The following ACACA variants were observed in gnomAD, a reference collection of about 807,000 sequenced individuals.
The protein encoded by ACACA is acetyl-CoA carboxylase alpha.
In ACACA, 103 loss-of-function variants were observed where a neutral mutation model predicts 296.1. The observed-to-expected ratio is 0.35, with a 90% CI of 0.30 to 0.41. ACACA has a LOEUF of 0.41. Ranked by LOEUF, ACACA falls within the 10% of genes least tolerant of loss-of-function variation. ACACA has a pLI of 1.00. For missense variants in ACACA, 1,554 were observed against 2,989.7 expected (o/e 0.52, Z 11.20); for synonymous variants, 953 against 1,038.6 (o/e 0.92, Z 1.58).
At chr17:37,124,478 G>A (rs931603445) in intron 48 of ACACA, among the ~76,000 whole-genome samples, 14 of 152,204 alleles carry the variant, frequency 9.2e-5, no homozygotes, top group Admixed American at 8.5e-4. Flanking sequence ...GAAAATTGAA[G>A]CAGAATAGAT....
intron 9 of ACACA, among the ~76,000 whole-genome samples, chr17:37,272,505 GA>G (rs1235460592): frequency 6.6e-6 from 1 of 151,518 alleles, no homozygotes; most frequent in Non-Finnish European, 1.5e-5. Flanking sequence ...TTAGTATGAT[GA>G]ACTCAATTGC....
intron 25 of ACACA, among the ~76,000 whole-genome samples, chr17:37,229,290 G>C (rs2079717908): frequency 6.6e-6 from 1 of 152,082 alleles, no homozygotes; most frequent in Admixed American, 6.5e-5. Flanking sequence ...CATAGTTACA[G>C]ATCATGTTTT....
chr17:37,350,651 C>T (rs964119150), intron 1 of ACACA, among the ~76,000 whole-genome samples: 2 of 152,000 alleles, frequency 1.3e-5, no homozygotes, highest in Non-Finnish European at 2.9e-5. Flanking sequence ...AACAGCCTGA[C>T]CAACATGGAG....
intron 28 of ACACA, 53 bp from the exon 29 acceptor site, chr17:37,221,895 A>T: frequency 1.4e-6 from 2 of 1,478,982 alleles, no homozygotes. Flanking sequence ...AAATTAAGAA[A>T]ATAGCCCAGA....
At chr17:37,354,027 G>A (rs1181693887) in intron 1 of ACACA, among the ~76,000 whole-genome samples, 14 of 152,154 alleles carry the variant, frequency 9.2e-5, no homozygotes, top group Non-Finnish European at 2.1e-4. Flanking sequence ...AGGATCGCTT[G>A]ACTCCAGGAG....
Position 37,200,497 on chromosome 17 carries a change from C to T in ACACA, c.4057-14G>A. On this transcript the variant is annotated splice_polypyrimidine_tract_variant and intron_variant, in intron 33 of 55. Transcript: ENST00000616317. ...CAGGGTAGCTTTCTAGGAGCAAAAA[C>T]ATGTAAAACAGAAGATAGATGAGAT... The T allele has an allele frequency of 6.2e-7, 1 of 1,604,552 alleles. No individual in the cohort carries two copies. Among genetic ancestry groups the T allele is most frequent in the Non-Finnish European group, 8.5e-7 (1 of 1,171,418 alleles).
chr17:37,320,966 A>C (rs1469519349), intron 3 of ACACA, among the ~76,000 whole-genome samples: 7 of 152,014 alleles, frequency 4.6e-5, no homozygotes, highest in African/African-American at 1.5e-4. Context: ...AGAAAAAAAA[A>C]AATTGTGGGA....
chr17:37,217,750 AAAAAAAAAAAAAAAC>A (rs1336199446), intron 29 of ACACA, among the ~76,000 whole-genome samples: 5 of 144,478 alleles, frequency 3.5e-5, no homozygotes, highest in Non-Finnish European at 6.0e-5. Context: ...AAAAAAAAAA[AAAAAAAAAAAAAAAC>A]AACCTGTTTT....
chr17:37,376,123 A>G (rs199550394), intron 1 of ACACA: 4 of 1,613,128 alleles, frequency 2.5e-6, no homozygotes, highest in Admixed American at 1.7e-5. Context: ...CAGCCTAATC[A>G]TTGCATCCTA....
chr17:37,268,419 T>C (rs1191381532), intron 10 of ACACA, among the ~76,000 whole-genome samples: 1 of 152,156 alleles, frequency 6.6e-6, no homozygotes, highest in East Asian at 1.9e-4. Flanking sequence ...AGGGCTAGTC[T>C]ATTTCCAGTT....
Position 37,248,097 on chromosome 17 carries a change from T to G in ACACA, c.2223A>C (p.Val741=). ...VVIMNGSCVE[V]DVHRLSDGGL... ...CACCGTCACTCAGCCGATGTACATC[T>G]ACTTCTACACATGAGCCATTCATGA... Residue 741 remains valine, a synonymous_variant, in exon 18 of 56, where the codon GTA becomes GTC. Transcript: ENST00000616317. 6.2e-7 allele frequency: 1 copy of G among 1,614,208 alleles called. No homozygotes were observed. The highest frequency in any genetic ancestry group is 8.5e-7 in the Non-Finnish European group (1 of 1,180,030).
At chr17:37,242,180 C>T (rs944878698) in intron 22 of ACACA, 127 bp from the exon 23 acceptor site, 7 of 761,032 alleles carry the variant, frequency 9.2e-6, no homozygotes, top group African/African-American at 1.7e-5. Context: ...CACATGTTGG[C>T]AGCAGCTGGA....
At chr17:37,178,332 C>T (rs1375327076) in intron 41 of ACACA, among the ~76,000 whole-genome samples, 1 of 152,148 alleles carries the variant, frequency 6.6e-6, no homozygotes, top group Non-Finnish European at 1.5e-5. Flanking sequence ...GGGTTCTTTG[C>T]TACATTTTTT....
intron 45 of ACACA, chr17:37,144,504 G>C: frequency 3.7e-5 from 9 of 244,848 alleles, no homozygotes; most frequent in South Asian, 1.1e-4. Context: ...GGGTGAGCAT[G>C]GAGACTACAC....
intron 43 of ACACA, among the ~76,000 whole-genome samples, chr17:37,151,955 C>A (rs996395957): frequency 6.6e-6 from 1 of 151,960 alleles, no homozygotes; most frequent in Admixed American, 6.6e-5. Flanking sequence ...CCACCGCGCC[C>A]GGCCTAATTT....
Position 37,129,422 on chromosome 17 carries a change from C to A in ACACA, c.5887G>T (p.Val1963Phe). Residue 1963 changes from valine (V) to phenylalanine (F), a missense_variant, in exon 47 of 56, where the codon GTT (valine) becomes TTT (phenylalanine). Physicochemically the swap from Val to Phe is conservative, Grantham distance 50. Coordinates refer to ENST00000616317, the MANE Select transcript of ACACA (RefSeq NM_198834.3). ...GGATCGTATGGGGTCTTTGTGGGAA[C>A]AAACTCGATGATTCTGTCTATAGGA... ...KDPIDRIIEF[V>F]PTKTPYDPRW... 1 of 1,614,090 alleles carries A rather than the reference C, an allele frequency of 6.2e-7. No homozygotes were observed. The highest frequency in any genetic ancestry group is 2.2e-5 in the East Asian group (1 of 44,876).
chr17:37,205,152 G>C (rs945652732), intron 33 of ACACA, among the ~76,000 whole-genome samples: 8 of 152,140 alleles, frequency 5.3e-5, no homozygotes, highest in Non-Finnish European at 7.4e-5. Context: ...ACAGATTGTG[G>C]GTAGAGGGGT....
At chr17:37,196,433 T>C (rs898320267) in intron 35 of ACACA, among the ~76,000 whole-genome samples, 4 of 152,140 alleles carry the variant, frequency 2.6e-5, no homozygotes, top group African/African-American at 9.7e-5. Flanking sequence ...TCGGGAGATA[T>C]GTAGACCTTT....
chr17:37,391,578 T>C, intron 1 of ACACA: 1 of 1,450,456 alleles, frequency 6.9e-7, no homozygotes, highest in South Asian at 1.1e-5. Flanking sequence ...AGCCAGCCCT[T>C]TTCTTGGTAC....
Sources: gnomAD v4.1 joint callset for allele counts (sites outside exome capture counted in the v4.1 genomes callset) on GRCh38, gnomAD v4.1.1 for gene constraint, MANE v1.5 for transcripts, NCBI Gene and HGNC (gene_info 2026-07-23, HGNC 2026-07-21) for gene names.